The following KRT32 variants were observed in gnomAD, a reference collection of about 807,000 sequenced individuals.
KRT32 encodes the protein keratin 32.
KRT32 carries 44 observed loss-of-function variants against 41.8 expected under a neutral mutation model. The ratio of observed to expected loss-of-function variants is 1.05; its 90% CI spans 0.83 to 1.35. KRT32 has a LOEUF of 1.35. Among genes scored for constraint, KRT32 ranks in the 40% most tolerant of loss-of-function variants. KRT32 has a pLI of 0.00. For synonymous variants in KRT32, 238 were observed against 242.5 expected (o/e 0.98, Z 0.17); for missense variants, 576 against 584.6 (o/e 0.99, Z 0.15).
chr17:41,467,137 G>A lies in KRT32; in HGVS notation c.189C>T (p.Ser63=), dbSNP rs781632939. The change falls in exon 1 of 7, where the codon TCC becomes TCT. Residue 63 remains serine (S), a synonymous_variant. Transcript: ENST00000225899. The part of the protein sequence containing the change: ...PTTFRPASCL[S]KTYLSSSCQA... ...GGCAGGAACTGGATAGATAGGTTTT[G>A]GAGAGGCAGCTGGCTGGCCGGAAGG... is the stretch of plus-strand genomic sequence containing the variant. The A allele has an allele frequency of 6.2e-7, 1 of 1,614,038 alleles. No homozygotes were observed. Among genetic ancestry groups the A allele is most frequent in the African/African-American group, 1.3e-5 (1 of 74,960 alleles).
chr17:41,459,921 A>G lies in KRT32; in HGVS notation c.*189T>C. ...ACCAAAGAGAACAGTTCACCCATGG[A>G]AAAAAGAGGCAGTTTTGAAGTGATG... On this transcript the variant is annotated 3_prime_UTR_variant, in exon 7 of 7. Transcript: ENST00000225899. 2 of 540,646 alleles carry G rather than the reference A, an allele frequency of 3.7e-6. No individual in the cohort carries two copies. The highest frequency in any genetic ancestry group is 3.5e-5 in the East Asian group (1 of 28,202). 33.5% of individuals were successfully genotyped at this position (540,646 alleles called of 1,614,324 possible).
intron 6 of KRT32, 103 bp from the exon 7 acceptor site, chr17:41,460,342 T>A: frequency 5.1e-6 from 7 of 1,384,022 alleles, no homozygotes; most frequent in Non-Finnish European, 7.0e-6. Context: ...CCATCTTCCG[T>A]GCTTTCTCTG....
rs763536946 is a variant in KRT32 at position 41,466,110 on chromosome 17, C to T, written c.535G>A (p.Asp179Asn). The change falls in exon 2 of 7, where the codon GAT becomes AAT. Residue 179 changes from aspartate (D) to asparagine (N), a missense_variant. Coordinates refer to ENST00000225899, the MANE Select transcript of KRT32 (RefSeq NM_002278.3). ...VNIDNAKLAA[D>N]DFRAKYEAEL... ...TGAACTCACTTGGCCCTGAAGTCATCGGCAGCCAGTTTGGCATTATCAATG... is the reference window on the plus strand; with the variant it reads ...TGAACTCACTTGGCCCTGAAGTCATTGGCAGCCAGTTTGGCATTATCAATG... 3.9e-5 allele frequency: 63 copies of T among 1,614,068 alleles called. No homozygotes were observed. The highest frequency in any genetic ancestry group is 2.0e-4 in the East Asian group (9 of 44,892).
At chr17:41,466,265 G>A (rs997427370) in intron 1 of KRT32, 89 bp from the exon 2 acceptor site, 1 of 1,077,656 alleles carries the variant, frequency 9.3e-7, no homozygotes, top group African/African-American at 1.5e-5. Flanking sequence ...GCAAAGGTAG[G>A]ATCCAGCAGC....
At position 41,464,140 on chromosome 17, in the gene KRT32, T is replaced by C. The variant is rs770839205; in HGVS notation, c.934A>G (p.Ile312Val). Residue 312 changes from isoleucine to valine, a missense_variant, in exon 5 of 7, where the codon ATC becomes GTC. Physicochemically the swap from Ile to Val is conservative, Grantham distance 29. Coordinates refer to ENST00000225899, the MANE Select transcript of KRT32 (RefSeq NM_002278.3). ...SEQLQNYQSD[I>V]IDLRRTVNTL... is the part of the protein sequence containing the mutation. The stretch of plus-strand genomic sequence containing the variant: ...TTGACCGTGCGTCTCAGGTCAATGA[T>C]GTCTGACTGGTAGTTCTGAAGCTGC... 6.2e-7 allele frequency: 1 copy of C among 1,613,292 alleles called. No individual in the cohort carries two copies. The highest frequency in any genetic ancestry group is 8.5e-7 in the Non-Finnish European group (1 of 1,179,456).
Position 41,464,407 on chromosome 17 carries a change from G to C in KRT32, c.745C>G (p.Leu249Val), listed in dbSNP as rs2019044838. ...GSLRCQLGDR[L>V]NIEVDAAPPV... ...GGTGCAGCGTCCACCTCGATGTTAAGGCGGTCCCCAAGCTGGCATCGAAGG... is the reference window on the plus strand; with the variant it reads ...GGTGCAGCGTCCACCTCGATGTTAACGCGGTCCCCAAGCTGGCATCGAAGG... The change falls in exon 4 of 7, where the codon CTT becomes GTT. Residue 249 changes from leucine (L) to valine (V), a missense_variant. Coordinates refer to ENST00000225899, the MANE Select transcript of KRT32 (RefSeq NM_002278.3). 6.3e-7 allele frequency: 1 copy of C among 1,590,410 alleles called. No individual in the cohort carries two copies. Among genetic ancestry groups the C allele is most frequent in the East Asian group, 2.3e-5 (1 of 44,164 alleles).
Position 41,465,891 on chromosome 17 carries a change from G to A in KRT32, c.590C>T (p.Ala197Val). ...GATCCTGCGCAGGCCATTGATGTCG[G>A]CCTCCACCAGCTGCCGCATGGCCAG... ...AELAMRQLVE[A>V]DINGLRRILD... is the part of the protein sequence containing the mutation. Residue 197 changes from alanine to valine, a missense_variant, in exon 3 of 7, where the codon GCC becomes GTC. Ala to Val is a moderately conservative substitution (Grantham distance 64). Coordinates refer to ENST00000225899, the MANE Select transcript of KRT32 (RefSeq NM_002278.3). 1.2e-6 allele frequency: 2 copies of A among 1,613,938 alleles called. No homozygotes were observed. The highest frequency in any genetic ancestry group is 2.2e-5 in the East Asian group (1 of 44,876).
At position 41,462,747 on chromosome 17, in the gene KRT32, C is replaced by G. The variant is rs2019015170; in HGVS notation, c.1217+83G>C. The stretch of plus-strand genomic sequence containing the variant: ...AGGACAGGGTTCTAAGCTGATGGTC[C>G]CTCAAGGGTAGATCCAGTTGCTTCC... On this transcript the variant is annotated intron_variant, in intron 6 of 6. Transcript: ENST00000225899. The G allele has an allele frequency of 2.1e-6, 3 of 1,444,726 alleles. No homozygotes were observed. In the South Asian group the frequency reaches 3.7e-5, roughly 18 times the overall value. The allele number at this position is 1,444,726 out of a possible 1,614,324, so 89.5% of individuals were successfully genotyped here.
intron 6 of KRT32, among the ~76,000 whole-genome samples, chr17:41,462,214 C>T (rs1337863527): frequency 1.3e-5 from 2 of 152,092 alleles, no homozygotes; most frequent in Non-Finnish European, 2.9e-5. Flanking sequence ...CTCCTCAAAA[C>T]AATTTCCACT....
intron 3 of KRT32, among the ~76,000 whole-genome samples, chr17:41,465,395 C>A (rs1273082197): frequency 6.6e-6 from 1 of 151,090 alleles, no homozygotes; most frequent in Admixed American, 6.6e-5. Flanking sequence ...CACCACTCTA[C>A]CTCTGCTGTG....
chr17:41,466,763 A>G (rs2019072225), intron 1 of KRT32, 95 bp downstream of exon 1: 1 of 909,306 alleles, frequency 1.1e-6, no homozygotes, highest in Non-Finnish European at 1.7e-6. Context: ...CTTTGTCCTG[A>G]ACATAGCTTA....
Position 41,463,029 on chromosome 17 carries a change from G to C in KRT32, c.1018C>G (p.Leu340Val), listed in dbSNP as rs1272211027. ...HSLRDSLENT[L>V]TESEARYSSQ... is the part of the protein sequence containing the mutation. ...CTGTAGCGGGCCTCACTCTCCGTCAGCGTGTTTTCCAGGGAGTCCCTCTAA... is the reference window on the plus strand; with the variant it reads ...CTGTAGCGGGCCTCACTCTCCGTCACCGTGTTTTCCAGGGAGTCCCTCTAA... The change falls in exon 6 of 7, where the codon CTG (leucine) becomes GTG (valine). Residue 340 changes from leucine to valine, a missense_variant. Physicochemically the swap from Leu to Val is conservative, Grantham distance 32. Transcript: ENST00000225899. 1.2e-6 allele frequency: 2 copies of C among 1,613,540 alleles called. No homozygotes were observed. The highest frequency in any genetic ancestry group is 8.5e-7 in the Non-Finnish European group (1 of 1,179,654).
rs1162206842 is a variant in KRT32, at chr17:41,464,354, C to T, written c.798G>A (p.Glu266=). 6.2e-7 allele frequency: 1 copy of T among 1,612,680 alleles called. No homozygotes were observed. The highest frequency in any genetic ancestry group is 1.3e-5 in the African/African-American group (1 of 74,882). ...TGGCCTCGTACTGACACCGCATCTC[C>T]TCCAGCACCCTGGTCAGGTCCACCG... The part of the protein sequence containing the change: ...APPVDLTRVL[E]EMRCQYEAMV... Residue 266 remains glutamate, a synonymous_variant, in exon 4 of 7, where the codon GAG becomes GAA. Transcript: ENST00000225899.
In KRT32 at chr17:41,465,873, C is replaced by T. The variant is rs527436785; in HGVS notation, c.608G>A (p.Arg203His). ...QLVEADINGLRRILDDLTLCK... is the reference protein window; with the variant it reads ...QLVEADINGLHRILDDLTLCK... Reference sequence around the variant, plus strand: ...CAGAGTGAGATCATCCAGGATCCTGCGCAGGCCATTGATGTCGGCCTCCAC... The same window carrying T: ...CAGAGTGAGATCATCCAGGATCCTGTGCAGGCCATTGATGTCGGCCTCCAC... The change falls in exon 3 of 7, where the codon CGC becomes CAC. Residue 203 changes from arginine (R) to histidine (H), a missense_variant. Coordinates refer to ENST00000225899, the MANE Select transcript of KRT32 (RefSeq NM_002278.3). 15 of 1,614,032 alleles carry T rather than the reference C, an allele frequency of 9.3e-6. No homozygotes were observed. The highest frequency in any genetic ancestry group is 1.6e-4 in the Middle Eastern group (1 of 6,062).
In KRT32 at chr17:41,460,075, C is replaced by T. The variant is rs2018983942; in HGVS notation, c.*35G>A. 1 of 1,564,568 alleles carries T rather than the reference C, an allele frequency of 6.4e-7. No homozygotes were observed. Among genetic ancestry groups the T allele is most frequent in the Non-Finnish European group, 8.7e-7 (1 of 1,155,842 alleles). On this transcript the variant is annotated 3_prime_UTR_variant, in exon 7 of 7. Transcript: ENST00000225899. ...CCACTGAATACCAGGCTGCCCAGCCCCAGGCCCTCCAGGATCCACTGGCAC... is the reference window on the plus strand; with the variant it reads ...CCACTGAATACCAGGCTGCCCAGCCTCAGGCCCTCCAGGATCCACTGGCAC...
Position 41,462,897 on chromosome 17 carries a change from C to A in KRT32, c.1150G>T (p.Asp384Tyr), listed in dbSNP as rs2019020510. ...TCGCCCTCCAGCCGGGCCCGGACGTCCAGCAGCACCTGGTACTCCTGGTTC... is the reference window on the plus strand; with the variant it reads ...TCGCCCTCCAGCCGGGCCCGGACGTACAGCAGCACCTGGTACTCCTGGTTC... The part of the protein sequence containing the change: ...RQNQEYQVLL[D>Y]VRARLEGEIN... The change falls in exon 6 of 7, where the codon GAC becomes TAC. Residue 384 changes from aspartate to tyrosine, a missense_variant. Asp to Tyr is a radical substitution (Grantham distance 160). Transcript: ENST00000225899. The A allele has an allele frequency of 1.9e-6, 3 of 1,598,778 alleles. No individual in the cohort carries two copies. The highest frequency in any genetic ancestry group is 2.6e-6 in the Non-Finnish European group (3 of 1,172,742).
At position 41,465,846 on chromosome 17, in the gene KRT32, C is replaced by A; in HGVS notation, c.635G>T (p.Cys212Phe). The A allele has an allele frequency of 6.2e-7, 1 of 1,614,080 alleles. No individual in the cohort carries two copies. Among genetic ancestry groups the A allele is most frequent in the African/African-American group, 1.3e-5 (1 of 75,022 alleles). ...AACCTGGGCCTCCAGGTCAGCCTTG[C>A]ACAGAGTGAGATCATCCAGGATCCT... Reference protein sequence around the residue: ...LRRILDDLTLCKADLEAQVES... With the variant: ...LRRILDDLTLFKADLEAQVES... The change falls in exon 3 of 7, where the codon TGC becomes TTC. Residue 212 changes from cysteine to phenylalanine, a missense_variant. By Grantham distance (205) the Cys-to-Phe change is radical (BLOSUM62 -2). Transcript: ENST00000225899.
chr17:41,462,781 C>T, intron 6 of KRT32, 49 bp downstream of exon 6: 1 of 1,599,718 alleles, frequency 6.3e-7, no homozygotes, highest in South Asian at 1.1e-5. Context: ...CCTATAACCT[C>T]CCAGAATCCC....
chr17:41,463,990 C>A, intron 5 of KRT32, 88 bp downstream of exon 5: 1 of 1,290,856 alleles, frequency 7.7e-7, no homozygotes, highest in Non-Finnish European at 1.0e-6. Flanking sequence ...GAAATCTGAG[C>A]CTCCTCTTCC....
Sources: gnomAD v4.1 joint callset for allele counts (sites outside exome capture counted in the v4.1 genomes callset) on GRCh38, gnomAD v4.1.1 for gene constraint, MANE v1.5 for transcripts, NCBI Gene and HGNC (gene_info 2026-07-23, HGNC 2026-07-21) for gene names.